ADAM22: variants seen among roughly 807,000 people sequenced by gnomAD.
The protein encoded by ADAM22 is ADAM metallopeptidase domain 22.
ADAM22 carries 65 observed loss-of-function variants against 144.6 expected under a neutral mutation model. The observed-to-expected ratio is 0.45, with a 90% CI of 0.37 to 0.55. ADAM22 has a LOEUF of 0.55. Ranked by LOEUF, ADAM22 falls within the 20% of genes least tolerant of loss-of-function variation. The pLI, the probability that ADAM22 is intolerant of heterozygous loss-of-function variation, is 0.00. For synonymous variants in ADAM22, 391 were observed against 412.6 expected (o/e 0.95, Z 0.63); for missense variants, 974 against 1,184.9 (o/e 0.82, Z 2.61).
chr7:88,053,561 A>G (rs1181553003), intron 3 of ADAM22, among the ~76,000 whole-genome samples: 1 of 151,016 alleles, frequency 6.6e-6, no homozygotes, highest in Non-Finnish European at 1.5e-5. Flanking sequence ...AGAAAGAAAG[A>G]AAGAAGGAAG....
At chr7:88,100,510 T>C (rs151021357) in intron 4 of ADAM22, among the ~76,000 whole-genome samples, 346 of 152,306 alleles carry the variant, frequency 2.3e-3, no homozygotes, top group African/African-American at 8.2e-3. Flanking sequence ...CCTGACCAGA[T>C]ATTTAGCCTA....
intron 26 of ADAM22, among the ~76,000 whole-genome samples, chr7:88,173,405 C>A (rs1262972400): frequency 6.6e-6 from 1 of 151,632 alleles, no homozygotes; most frequent in African/African-American, 2.4e-5. Context: ...TTGTCCTTGC[C>A]CATAACTAAT....
chr7:88,167,928 C>G (rs1456546917), intron 24 of ADAM22, among the ~76,000 whole-genome samples: 1 of 152,086 alleles, frequency 6.6e-6, no homozygotes, highest in Non-Finnish European at 1.5e-5. Context: ...TGCACTTGGA[C>G]AAGAATTAAA....
At chr7:88,068,342 C>T (rs1811833959) in intron 3 of ADAM22, among the ~76,000 whole-genome samples, 1 of 152,068 alleles carries the variant, frequency 6.6e-6, no homozygotes, top group Non-Finnish European at 1.5e-5. Flanking sequence ...TCCATTTTTT[C>T]CAGTTCTCTT....
chr7:87,997,928 C>A (rs1483958888), intron 3 of ADAM22, among the ~76,000 whole-genome samples: 1 of 152,162 alleles, frequency 6.6e-6, no homozygotes, highest in Non-Finnish European at 1.5e-5. Flanking sequence ...AGCTGAGGAG[C>A]AAGGAAGCCA....
In ADAM22 at chr7:88,161,305, A is replaced by G. The variant is rs192862819; in HGVS notation, c.1908-1707A>G. Among the ~76,000 whole-genome samples the G allele has an allele frequency of 1.1e-4, 16 of 152,196 alleles. No individual in the cohort carries two copies. The East Asian group carries it at 3.1e-3, about 29-fold the overall frequency. ...AAACTGGACCCCTTTCTTACACCATATACAAAAATAAACTCAAGATAGATT... is the reference window on the plus strand; with the variant it reads ...AAACTGGACCCCTTTCTTACACCATGTACAAAAATAAACTCAAGATAGATT... On this transcript the variant is annotated intron_variant, in intron 22 of 31. Coordinates refer to ENST00000413139, the MANE Select transcript of ADAM22 (RefSeq NM_001324418.2).
chr7:88,001,156 A>G (rs533743278), intron 3 of ADAM22, among the ~76,000 whole-genome samples: 1 of 152,334 alleles, frequency 6.6e-6, no homozygotes, highest in East Asian at 1.9e-4. Flanking sequence ...TACAGGTTAA[A>G]TATTTCTTAT....
At chr7:88,004,232 T>G (rs1305442237) in intron 3 of ADAM22, among the ~76,000 whole-genome samples, 1 of 152,206 alleles carries the variant, frequency 6.6e-6, no homozygotes, top group Non-Finnish European at 1.5e-5. Context: ...AATGCCCACA[T>G]GTTAAAAGCT....
chr7:88,185,537 A>G (rs1265703180), intron 29 of ADAM22, among the ~76,000 whole-genome samples: 4 of 152,174 alleles, frequency 2.6e-5, no homozygotes, highest in East Asian at 1.9e-4. Flanking sequence ...TTTATTGTCT[A>G]TAGTAGCCCT....
In ADAM22 at chr7:88,138,334, T is replaced by C. The variant is rs192979546; in HGVS notation, c.1220+2303T>C. ...TTATCCTGATTATTAAAATGTTTAA[T>C]AGATAATCTGCATAGCACTAAGCAT... is the stretch of plus-strand genomic sequence containing the variant. On this transcript the variant is annotated intron_variant, in intron 14 of 31. Transcript: ENST00000413139. 7.2e-5 allele frequency among the ~76,000 whole-genome samples: 11 copies of C among 152,324 alleles called. No individual in the cohort carries two copies. In the East Asian group the frequency reaches 7.7e-4, roughly 11 times the overall value.
intron 24 of ADAM22, among the ~76,000 whole-genome samples, chr7:88,166,421 C>T (rs1296056053): frequency 3.3e-5 from 5 of 152,062 alleles, no homozygotes; most frequent in Non-Finnish European, 7.4e-5. Flanking sequence ...GCCAAGGTTC[C>T]TGGTGGGGCT....
intron 29 of ADAM22, 111 bp downstream of exon 29, chr7:88,182,135 T>G: frequency 1.0e-6 from 1 of 987,608 alleles, no homozygotes; most frequent in Non-Finnish European, 1.5e-6. Flanking sequence ...CCGGTCTTGG[T>G]TTTGTCTTTT....
At chr7:87,944,900 CCTT>C (rs10589870) in intron 2 of ADAM22, among the ~76,000 whole-genome samples, 64,191 of 142,644 alleles carry the variant, frequency 0.45, 14,971 homozygotes, top group Non-Finnish European at 0.5. Context: ...CCTCCTCCTT[CCTT>C]CTTCTTCTTC....
At chr7:87,996,025 G>C (rs1026244510) in intron 3 of ADAM22, among the ~76,000 whole-genome samples, 1 of 152,122 alleles carries the variant, frequency 6.6e-6, no homozygotes, top group African/African-American at 2.4e-5. Flanking sequence ...TTGCACTCTT[G>C]ATCTGGAAAT....
chr7:88,154,556 G>A (rs1020696570), intron 21 of ADAM22, among the ~76,000 whole-genome samples: 1 of 151,834 alleles, frequency 6.6e-6, no homozygotes, highest in African/African-American at 2.4e-5. Flanking sequence ...ACAGCCCTTT[G>A]TACTTATTTG....
Position 88,196,806 on chromosome 7 carries a change from G to A in ADAM22, c.*315G>A, listed in dbSNP as rs547902209. 29 of 342,876 alleles carry A rather than the reference G, an allele frequency of 8.5e-5. No individual in the cohort carries two copies. Among genetic ancestry groups the A allele is most frequent in the South Asian group, 5.1e-4 (13 of 25,472 alleles). 21.2% of individuals were successfully genotyped at this position (342,876 alleles called of 1,614,324 possible). On this transcript the variant is annotated 3_prime_UTR_variant, in exon 32 of 32. Coordinates refer to ENST00000413139, the MANE Select transcript of ADAM22 (RefSeq NM_001324418.2). ...AAATATTCATAAAGTTAACTCACATGACCCAAATGTAGCAAGTTTCCTAAG... is the reference window on the plus strand; with the variant it reads ...AAATATTCATAAAGTTAACTCACATAACCCAAATGTAGCAAGTTTCCTAAG...
intron 3 of ADAM22, among the ~76,000 whole-genome samples, chr7:88,074,163 G>A (rs1293646990): frequency 2.6e-5 from 4 of 152,008 alleles, no homozygotes; most frequent in South Asian, 2.1e-4. Flanking sequence ...CAATTGTGTC[G>A]AAGCTGAAAA....
At chr7:88,172,890 G>A (rs183481420) in intron 26 of ADAM22, among the ~76,000 whole-genome samples, 313 of 152,068 alleles carry the variant, frequency 2.1e-3, no homozygotes, top group Admixed American at 3.9e-3. Flanking sequence ...TTGATTGATC[G>A]TATTAGAAAT....
intron 24 of ADAM22, among the ~76,000 whole-genome samples, chr7:88,166,322 T>C (rs1047843759): frequency 2.6e-5 from 4 of 152,204 alleles, no homozygotes; most frequent in Non-Finnish European, 5.9e-5. Context: ...AGAATTGGTT[T>C]TAAAATATTT....
Sources: allele counts gnomAD v4.1 joint callset (sites outside exome capture counted in the v4.1 genomes callset), GRCh38; gene constraint gnomAD v4.1.1; transcripts MANE v1.5; gene names NCBI Gene and HGNC (gene_info 2026-07-23, HGNC 2026-07-21).